The following ZNF433 variants were observed in gnomAD, a reference collection of about 807,000 sequenced individuals.
The protein encoded by ZNF433 is zinc finger protein 433.
Under a neutral mutation model 10.6 loss-of-function variants are expected in ZNF433, and 12 were observed. That is an observed-to-expected ratio of 1.13 (90% CI 0.72 to 1.83). The LOEUF (loss-of-function observed/expected upper bound fraction) is 1.83. Ranked by LOEUF, ZNF433 falls within the 40% of genes most tolerant of loss-of-function variation. The probability of loss-of-function intolerance (pLI) is 0.00; values close to 1 mark genes in which losing one functional copy is unlikely to be tolerated. For missense variants in ZNF433, 737 were observed against 798.0 expected (o/e 0.92, Z 0.92); for synonymous variants, 272 against 271.3 (o/e 1.00, Z -0.02).
rs1568329341 is a variant in ZNF433 at position 12,016,108 on chromosome 19, A to C, written c.750T>G (p.Pro250=). 1 of 1,612,648 alleles carries C rather than the reference A, an allele frequency of 6.2e-7. No homozygotes were observed. Among genetic ancestry groups the C allele is most frequent in the Non-Finnish European group, 8.5e-7 (1 of 1,179,608 alleles). Residue 250 remains proline (P), a synonymous_variant, in exon 4 of 4, where the codon CCT becomes CCG. Transcript: ENST00000550507. Reference sequence around the variant, plus strand: ...CTTTCCCACATTCATTACATTTATAAGGCTTCTCCCCAGTGTGAGTTCTTT... The same window carrying C: ...CTTTCCCACATTCATTACATTTATACGGCTTCTCCCCAGTGTGAGTTCTTT... ...IHERTHTGEK[P]YKCNECGKAF... is the part of the protein sequence containing the mutation.
rs560507264 is a variant in ZNF433, at chr19:12,034,095, C to A, written c.3+1442G>T. ...AGTACTCTAAGATCTTGGCCAAGAACATGGAAATCAAATTCAAATGCTATT... is the reference window on the plus strand; with the variant it reads ...AGTACTCTAAGATCTTGGCCAAGAAAATGGAAATCAAATTCAAATGCTATT... On this transcript the variant is annotated intron_variant, in intron 1 of 3. Coordinates refer to ENST00000550507, the MANE Select transcript of ZNF433 (RefSeq NM_001308348.2). Among the ~76,000 whole-genome samples, 386 of 152,218 alleles carry A rather than the reference C, an allele frequency of 2.5e-3. 2 individuals carry two copies. The highest frequency in any genetic ancestry group is 4.2e-3 in the Non-Finnish European group (284 of 68,000).
chr19:12,014,980 A>G lies in ZNF433; in HGVS notation c.1878T>C (p.Cys626=). 6.2e-7 allele frequency: 1 copy of G among 1,613,824 alleles called. No individual in the cohort carries two copies. The highest frequency in any genetic ancestry group is 1.1e-5 in the South Asian group (1 of 91,060). ...TTCCATGCCTTCGAAGGTTTGAGGG[A>G]CATCCAAAAGCTTTCCCACATTGCT... ...KCKQCGKAFG[C]PSNLRRHGRT... is the part of the protein sequence containing the mutation. The change falls in exon 4 of 4, where the codon TGT becomes TGC. Residue 626 remains cysteine (C), a synonymous_variant. Transcript: ENST00000550507.
At position 12,019,899 on chromosome 19, in the gene ZNF433, A is replaced by G. The variant is rs377538227; in HGVS notation, c.4-1607T>C. Among the ~76,000 whole-genome samples the G allele has an allele frequency of 2.3e-3, 352 of 152,326 alleles. 3 individuals carry two copies. Among genetic ancestry groups the G allele is most frequent in the African/African-American group, 7.9e-3 (329 of 41,560 alleles). On this transcript the variant is annotated intron_variant, in intron 1 of 3. Coordinates refer to ENST00000550507, the MANE Select transcript of ZNF433 (RefSeq NM_001308348.2). The stretch of plus-strand genomic sequence containing the variant: ...CACTTAAAACTGCTTAAGCTGGTAA[A>G]ATTGAAGTTTATTATTTTACAATAA...
chr19:12,024,290 T>A (rs1974634210), intron 1 of ZNF433: 1 of 152,230 alleles, frequency 6.6e-6, no homozygotes, highest in African/African-American at 2.4e-5. Context: ...AAATTGGCCT[T>A]TAATTGTCAT....
chr19:12,014,762 C>G lies in ZNF433; in HGVS notation c.*83G>C, dbSNP rs2145390540. 2.0e-6 allele frequency: 2 copies of G among 981,256 alleles called. No individual in the cohort carries two copies. Among genetic ancestry groups the G allele is most frequent in the East Asian group, 2.7e-5 (1 of 36,616 alleles). The allele number at this position is 981,256 out of a possible 1,614,324, so 60.8% of individuals were successfully genotyped here. On this transcript the variant is annotated 3_prime_UTR_variant, in exon 4 of 4. Transcript: ENST00000550507. ...TTATTTATTTATTTAATTTTTATAACAGAGTCTCACTATGTTGCCCAGGCT... is the reference window on the plus strand; with the variant it reads ...TTATTTATTTATTTAATTTTTATAAGAGAGTCTCACTATGTTGCCCAGGCT...
intron 1 of ZNF433, chr19:12,026,162 T>A (rs554311071): frequency 2.6e-5 from 4 of 153,528 alleles, no homozygotes; most frequent in African/African-American, 9.6e-5. Context: ...AAATAATAAC[T>A]TGGGGTAGAG....
intron 1 of ZNF433, among the ~76,000 whole-genome samples, chr19:12,031,637 CTG>C (rs1207091226): frequency 6.6e-6 from 1 of 152,072 alleles, no homozygotes; most frequent in East Asian, 1.9e-4. Context: ...CAGTGAGACT[CTG>C]TCTAAAAAAT....
At position 12,014,985 on chromosome 19, in the gene ZNF433, C is replaced by G. The variant is rs1181712310; in HGVS notation, c.1873G>C (p.Gly625Arg). The change falls in exon 4 of 4, where the codon GGA (glycine) becomes CGA (arginine). Residue 625 changes from glycine to arginine, a missense_variant. Transcript: ENST00000550507. The stretch of plus-strand genomic sequence containing the variant: ...TGCCTTCGAAGGTTTGAGGGACATC[C>G]AAAAGCTTTCCCACATTGCTTACAT... Reference protein sequence around the residue: ...YKCKQCGKAFGCPSNLRRHGR... With the variant: ...YKCKQCGKAFRCPSNLRRHGR... The G allele has an allele frequency of 6.2e-7, 1 of 1,608,958 alleles. No homozygotes were observed. The highest frequency in any genetic ancestry group is 2.3e-5 in the East Asian group (1 of 44,420).
chr19:12,018,448 C>T (rs760927029), intron 1 of ZNF433, 156 bp from the exon 2 acceptor site: 23 of 805,730 alleles, frequency 2.9e-5, no homozygotes, highest in Non-Finnish European at 3.7e-5. Flanking sequence ...TCAGTTTCTT[C>T]CATAAAGTAA....
rs1223706125 is a variant in ZNF433 at position 12,018,233 on chromosome 19, C to T, written c.63G>A (p.Leu21=). ...TACAGAGATTTTTCTGGGAAGGATCCAGCAAAGCCCACTCCTCTTGGGTGA... is the reference window on the plus strand; with the variant it reads ...TACAGAGATTTTTCTGGGAAGGATCTAGCAAAGCCCACTCCTCTTGGGTGA... ...VTFTQEEWAL[L]DPSQKNLCRD... Residue 21 remains leucine, a synonymous_variant, in exon 2 of 4, where the codon CTG becomes CTA. Transcript: ENST00000550507. 1 of 1,613,012 alleles carries T rather than the reference C, an allele frequency of 6.2e-7. No individual in the cohort carries two copies. The highest frequency in any genetic ancestry group is 1.7e-5 in the Admixed American group (1 of 59,670).
Position 12,015,261 on chromosome 19 carries a change from A to G in ZNF433, c.1597T>C (p.Cys533Arg), listed in dbSNP as rs1188705335. 7 of 1,613,974 alleles carry G rather than the reference A, an allele frequency of 4.3e-6. No individual in the cohort carries two copies. In the Admixed American group the frequency reaches 5.0e-5, roughly 12 times the overall value. Reference sequence around the variant, plus strand: ...CTGAAGGCTTTTCCACATTGCTTGCATTCATAGGGTTTCTCTCCAGTGTGA... The same window carrying G: ...CTGAAGGCTTTTCCACATTGCTTGCGTTCATAGGGTTTCTCTCCAGTGTGA... ...RTHTGEKPYE[C>R]KQCGKAFRSA... The change falls in exon 4 of 4, where the codon TGC becomes CGC. Residue 533 changes from cysteine (C) to arginine (R), a missense_variant. By Grantham distance (180) the Cys-to-Arg change is radical. Coordinates refer to ENST00000550507, the MANE Select transcript of ZNF433 (RefSeq NM_001308348.2).
chr19:12,015,270 G>A lies in ZNF433; in HGVS notation c.1588C>T (p.Pro530Ser), dbSNP rs1974108794. ...YHGRTHTGEK[P>S]YECKQCGKAF... Reference sequence around the variant, plus strand: ...TTTCCACATTGCTTGCATTCATAGGGTTTCTCTCCAGTGTGAGTCCTTCCA... The same window carrying A: ...TTTCCACATTGCTTGCATTCATAGGATTTCTCTCCAGTGTGAGTCCTTCCA... Residue 530 changes from proline to serine, a missense_variant, in exon 4 of 4, where the codon CCC becomes TCC. Pro to Ser is a moderately conservative substitution (Grantham distance 74, BLOSUM62 -1). Coordinates refer to ENST00000550507, the MANE Select transcript of ZNF433 (RefSeq NM_001308348.2). The A allele has an allele frequency of 6.2e-7, 1 of 1,613,776 alleles. No homozygotes were observed. Among genetic ancestry groups the A allele is most frequent in the Admixed American group, 1.7e-5 (1 of 59,962 alleles).
At position 12,016,302 on chromosome 19, in the gene ZNF433, T is replaced by G. The variant is rs757259689; in HGVS notation, c.556A>C (p.Arg186=). 1 of 1,614,232 alleles carries G rather than the reference T, an allele frequency of 6.2e-7. No individual in the cohort carries two copies. Among genetic ancestry groups the G allele is most frequent in the South Asian group, 1.1e-5 (1 of 91,088 alleles). ...FISHSNLQRH[R]IMHRGDGPYK... is the part of the protein sequence containing the mutation. ...GGTCCATCTCCACGGTGCATTATCC[T>G]GTGTCTTTGAAGGTTTGAATGGGAA... Residue 186 remains arginine (R), a synonymous_variant, in exon 4 of 4, where the codon AGG becomes CGG. Transcript: ENST00000550507.
chr19:12,022,204 A>G (rs1974531642), intron 1 of ZNF433: 1 of 357,488 alleles, frequency 2.8e-6, no homozygotes, highest in Non-Finnish European at 5.8e-6. Flanking sequence ...ACCACAAACA[A>G]TAGCGTAAGT....
At chr19:12,016,834 C>T (rs1035631082) in intron 3 of ZNF433, among the ~76,000 whole-genome samples, 168 bp from the exon 4 acceptor site, 32 of 152,106 alleles carry the variant, frequency 2.1e-4, no homozygotes, top group Admixed American at 1.2e-3. Flanking sequence ...ACTTCCACCT[C>T]CTGAGTTCAA....
intron 3 of ZNF433, 110 bp from the exon 4 acceptor site, chr19:12,016,776 C>G: frequency 2.2e-6 from 3 of 1,375,326 alleles, no homozygotes; most frequent in Non-Finnish European, 2.9e-6. Flanking sequence ...TGGAGTCTCA[C>G]TCTCTTGCCC....
intron 1 of ZNF433, among the ~76,000 whole-genome samples, chr19:12,027,580 A>C (rs780717378): frequency 6.6e-6 from 1 of 152,232 alleles, no homozygotes; most frequent in African/African-American, 2.4e-5. Context: ...AACTAGCCAG[A>C]GCCCATCCCT....
chr19:12,020,162 C>A (rs138063161), intron 1 of ZNF433, among the ~76,000 whole-genome samples: 76 of 152,230 alleles, frequency 5.0e-4, no homozygotes, highest in Non-Finnish European at 1.0e-3. Flanking sequence ...ATCCCAGCTA[C>A]TCAAGAGGCT....
At position 12,014,721 on chromosome 19, in the gene ZNF433, C is replaced by T; in HGVS notation, c.*124G>A. ...ACGGATTTCTCAACTGCCATTACCACCAACTGGAAGTCTTTTTATTTATTT... is the reference window on the plus strand; with the variant it reads ...ACGGATTTCTCAACTGCCATTACCATCAACTGGAAGTCTTTTTATTTATTT... On this transcript the variant is annotated 3_prime_UTR_variant, in exon 4 of 4. Transcript: ENST00000550507. 2 of 748,898 alleles carry T rather than the reference C, an allele frequency of 2.7e-6. No individual in the cohort carries two copies. The highest frequency in any genetic ancestry group is 4.1e-6 in the Non-Finnish European group (2 of 493,308). 46.4% of individuals were successfully genotyped at this position (748,898 alleles called of 1,614,324 possible).
Sources: allele counts gnomAD v4.1 joint callset (sites outside exome capture counted in the v4.1 genomes callset), GRCh38; gene constraint gnomAD v4.1.1; transcripts MANE v1.5; gene names NCBI Gene and HGNC (gene_info 2026-07-23, HGNC 2026-07-21).